Variants in SH3RF3 observed in about 807,000 individuals in gnomAD.
The protein encoded by SH3RF3 is SH3 domain containing ring finger 3.
A neutral mutation model predicts 66.3 loss-of-function variants in SH3RF3; 29 were observed. The observed-to-expected ratio is 0.44, with a 90% CI of 0.33 to 0.60. The LOEUF is 0.60. Ranked by LOEUF, SH3RF3 falls within the 20% of genes least tolerant of loss-of-function variation. The pLI is 0.04. For synonymous variants in SH3RF3, 583 were observed against 532.0 expected (o/e 1.10, Z -1.32); for missense variants, 1,194 against 1,190.9 (o/e 1.00, Z -0.04).
intron 1 of SH3RF3, among the ~76,000 whole-genome samples, chr2:109,295,265 G>A (rs192780353): frequency 1.8e-4 from 28 of 152,346 alleles, no homozygotes; most frequent in African/African-American, 6.5e-4. Flanking sequence ...TGGGCCTGCG[G>A]TGGCTCCAGG....
chr2:109,470,739 T>A (rs2104722675), intron 8 of SH3RF3, among the ~76,000 whole-genome samples: 1 of 152,242 alleles, frequency 6.6e-6, no homozygotes, highest in East Asian at 1.9e-4. Flanking sequence ...GTGCAGGAAG[T>A]AGAGGCCTCG....
In SH3RF3 at chr2:109,355,169, T is replaced by C. The variant is rs150733032; in HGVS notation, c.849+7220T>C. 4.1e-4 allele frequency among the ~76,000 whole-genome samples: 62 copies of C among 152,352 alleles called. No individual in the cohort carries two copies. In the East Asian group the frequency reaches 0.01, roughly 25 times the overall value. ...ATAGGGAAAACAGCATATGAAAGTC[T>C]ACGGGCCCACAGTGAGTAATGAGCA... On this transcript the variant is annotated intron_variant, in intron 2 of 9. Transcript: ENST00000309415.
At chr2:109,257,628 T>C (rs546787747) in intron 1 of SH3RF3, among the ~76,000 whole-genome samples, 5 of 152,260 alleles carry the variant, frequency 3.3e-5, no homozygotes, top group South Asian at 2.1e-4. Context: ...ACCCATCCCA[T>C]GAAGAAGACT....
At position 109,129,517 on chromosome 2, in the gene SH3RF3, G is replaced by C. The variant is rs1477947503; in HGVS notation, c.-24G>C. 5.3e-6 allele frequency: 8 copies of C among 1,496,184 alleles called. No individual in the cohort carries two copies. The South Asian group carries it at 8.7e-5, about 16-fold the overall frequency. 92.7% of individuals were successfully genotyped at this position (1,496,184 alleles called of 1,614,324 possible). A position where few individuals can be genotyped will look rare whatever the true frequency, so the allele number is the denominator to read the frequency against. ...GGCCCCGGGACCTAGGCAGCCGCGC[G>C]AGACCGCTGCGGGCGCCTCCCCCAT... is the stretch of plus-strand genomic sequence containing the variant. On this transcript the variant is annotated 5_prime_UTR_variant, in exon 1 of 10. Coordinates refer to ENST00000309415, the MANE Select transcript of SH3RF3 (RefSeq NM_001099289.3).
intron 4 of SH3RF3, among the ~76,000 whole-genome samples, chr2:109,409,634 G>T (rs931509657): frequency 6.6e-6 from 1 of 152,114 alleles, no homozygotes; most frequent in African/African-American, 2.4e-5. Context: ...TGGGCAGAAG[G>T]CGTGGCTGCT....
chr2:109,477,611 TG>T (rs35924653), intron 8 of SH3RF3, among the ~76,000 whole-genome samples: 5 of 100,742 alleles, frequency 5.0e-5, no homozygotes, highest in Non-Finnish European at 1.1e-4. Flanking sequence ...ATGCCACAGA[TG>T]GGTGTGTGTG....
chr2:109,422,224 C>T (rs568848369), intron 5 of SH3RF3, among the ~76,000 whole-genome samples: 24 of 152,294 alleles, frequency 1.6e-4, no homozygotes, highest in Admixed American at 6.5e-4. Context: ...CTGCCCATTG[C>T]GGGTCTGCAG....
At position 109,309,623 on chromosome 2, in the gene SH3RF3, C is replaced by T. The variant is rs1162061580; in HGVS notation, c.574-38051C>T. ...AGGAAACCCATCTCACGTGCAGAGA[C>T]ACACATAGGCTGAAAATAAAAGGAT... On this transcript the variant is annotated intron_variant, in intron 1 of 9. Transcript: ENST00000309415. 3.4e-4 allele frequency among the ~76,000 whole-genome samples: 33 copies of T among 96,470 alleles called. 3 individuals carry two copies. Among genetic ancestry groups the T allele is most frequent in the Admixed American group, 2.7e-3 (27 of 9,860 alleles). The allele number at this position is 96,470 out of a possible 152,430, so 63.3% of individuals were successfully genotyped here.
chr2:109,391,866 G>T (rs11695700), intron 3 of SH3RF3, among the ~76,000 whole-genome samples: 47,603 of 151,800 alleles, frequency 0.31, 8,739 homozygotes, highest in Non-Finnish European at 0.41. Context: ...TTAAGACAGG[G>T]TCTTACTCTG....
At chr2:109,277,630 T>G (rs1476216348) in intron 1 of SH3RF3, among the ~76,000 whole-genome samples, 5 of 152,182 alleles carry the variant, frequency 3.3e-5, no homozygotes, top group African/African-American at 1.2e-4. Context: ...GAACTGACTC[T>G]GAATTAAACA....
chr2:109,329,593 A>G (rs1189476915), intron 1 of SH3RF3, among the ~76,000 whole-genome samples: 1 of 152,224 alleles, frequency 6.6e-6, no homozygotes, highest in Non-Finnish European at 1.5e-5. Flanking sequence ...AAGGCTGATG[A>G]TAAGTCTGGA....
intron 1 of SH3RF3, among the ~76,000 whole-genome samples, chr2:109,267,446 G>A (rs965413415): frequency 3.3e-5 from 5 of 152,212 alleles, no homozygotes; most frequent in Non-Finnish European, 5.9e-5. Context: ...GAGGAAGCCT[G>A]GCTCCCGGGC....
At chr2:109,328,342 C>T (rs2105479555) in intron 1 of SH3RF3, among the ~76,000 whole-genome samples, 1 of 152,340 alleles carries the variant, frequency 6.6e-6, no homozygotes, top group Admixed American at 6.5e-5. Context: ...CTATTTCCTT[C>T]ATGCCATTAA....
intron 8 of SH3RF3, among the ~76,000 whole-genome samples, chr2:109,464,476 C>T (rs1229892981): frequency 6.6e-6 from 1 of 152,202 alleles, no homozygotes; most frequent in Non-Finnish European, 1.5e-5. Context: ...ATGTAAACAT[C>T]TGTACACATA....
chr2:109,141,083 A>G (rs1309248101), intron 1 of SH3RF3, among the ~76,000 whole-genome samples: 1 of 152,136 alleles, frequency 6.6e-6, no homozygotes, highest in Non-Finnish European at 1.5e-5. Flanking sequence ...CTATGCTGGG[A>G]CCCATCCTTG....
intron 1 of SH3RF3, among the ~76,000 whole-genome samples, chr2:109,336,255 AG>A (rs1452048697): frequency 6.6e-5 from 10 of 152,234 alleles, no homozygotes; most frequent in Admixed American, 5.2e-4. Context: ...CATGCTGGGA[AG>A]GCTGTCTTGT....
chr2:109,493,039 T>TACACCATAAAAACACACACAC (rs1679168799), intron 9 of SH3RF3, among the ~76,000 whole-genome samples: 1 of 150,670 alleles, frequency 6.6e-6, no homozygotes, highest in Non-Finnish European at 1.5e-5. Context: ...TACAAACACA[T>TACACCATAAAAACACACACAC]ACCCCACATA....
intron 1 of SH3RF3, among the ~76,000 whole-genome samples, chr2:109,174,514 G>A (rs906067992): frequency 4.6e-5 from 7 of 152,202 alleles, no homozygotes; most frequent in Non-Finnish European, 1.0e-4. Context: ...CCAGGGCAAC[G>A]GGCAGTCCTG....
intron 1 of SH3RF3, among the ~76,000 whole-genome samples, chr2:109,291,461 C>T (rs1681179319): frequency 6.6e-6 from 1 of 152,132 alleles, no homozygotes; most frequent in Admixed American, 6.5e-5. Context: ...GATGGTAGGG[C>T]CAGGAGGACC....
Sources: gnomAD v4.1 joint callset for allele counts (sites outside exome capture counted in the v4.1 genomes callset) on GRCh38, gnomAD v4.1.1 for gene constraint, MANE v1.5 for transcripts, NCBI Gene and HGNC (gene_info 2026-07-23, HGNC 2026-07-21) for gene names.